PDCL2: variants seen among roughly 807,000 people sequenced by gnomAD.
The protein encoded by PDCL2 is phosducin-like protein 2.
A neutral mutation model predicts 30.3 loss-of-function variants in PDCL2; 23 were observed. The ratio of observed to expected loss-of-function variants is 0.76; its 90% CI spans 0.55 to 1.08. The LOEUF (loss-of-function observed/expected upper bound fraction) is 1.08. PDCL2 is among the 50% of genes least tolerant of loss of function. PDCL2 has a pLI of 0.00. For missense variants in PDCL2, 243 were observed against 282.3 expected, an observed-to-expected ratio of 0.86 and a Z score of 1.00; for synonymous variants, 68 against 86.2, an observed-to-expected ratio of 0.79 and a Z score of 1.17.
intron 4 of PDCL2, among the ~76,000 whole-genome samples, 200 bp from the exon 5 acceptor site, chr4:55,562,812 C>A (rs945456360): frequency 6.6e-6 from 1 of 151,844 alleles, no homozygotes; most frequent in Non-Finnish European, 1.5e-5. Flanking sequence ...ACCATTATAA[C>A]CCGGGAATGA....
intron 1 of PDCL2, among the ~76,000 whole-genome samples, chr4:55,585,903 TTC>T (rs1732853206): frequency 6.6e-6 from 1 of 152,228 alleles, no homozygotes; most frequent in South Asian, 2.1e-4. Flanking sequence ...CCTCTTTTGT[TTC>T]TGATTTTATC....
chr4:55,561,022 G>C (rs1211040027), intron 5 of PDCL2, among the ~76,000 whole-genome samples: 2 of 152,090 alleles, frequency 1.3e-5, no homozygotes, highest in African/African-American at 4.8e-5. Context: ...ATCCCAAACA[G>C]AGAAGACAAT....
intron 3 of PDCL2, among the ~76,000 whole-genome samples, chr4:55,578,838 C>A (rs972728770): frequency 5.9e-5 from 9 of 152,214 alleles, no homozygotes; most frequent in African/African-American, 1.9e-4. Flanking sequence ...GGGAAGAATT[C>A]TTTGAAATTA....
intron 1 of PDCL2, among the ~76,000 whole-genome samples, chr4:55,591,848 G>T (rs529399891): frequency 6.4e-4 from 98 of 152,306 alleles, no homozygotes; most frequent in Middle Eastern, 3.4e-3. Flanking sequence ...ATTTTGGTGT[G>T]AAACACAATA....
chr4:55,566,008 T>G (rs1732258636), intron 4 of PDCL2, among the ~76,000 whole-genome samples: 1 of 114,244 alleles, frequency 8.8e-6, no homozygotes, highest in African/African-American at 3.7e-5. Context: ...TGAGATGGAG[T>G]CCTGCTCTGT....
chr4:55,586,696 G>A (rs1446433514), intron 1 of PDCL2, among the ~76,000 whole-genome samples: 2 of 152,142 alleles, frequency 1.3e-5, no homozygotes, highest in African/African-American at 4.8e-5. Context: ...ATACCTGGAA[G>A]GAGAATTACT....
At chr4:55,581,480 A>G (rs990826058) in intron 2 of PDCL2, among the ~76,000 whole-genome samples, 3 of 152,154 alleles carry the variant, frequency 2.0e-5, no homozygotes, top group African/African-American at 4.8e-5. Flanking sequence ...ATTTCCCTCA[A>G]GTACCTAGAA....
Position 55,590,459 on chromosome 4 carries a change from CA to C in PDCL2, c.6+1644del, listed in dbSNP as rs60866606. On this transcript the variant is annotated intron_variant, in intron 1 of 5. Coordinates refer to ENST00000295645, the MANE Select transcript of PDCL2 (RefSeq NM_152401.3). The stretch of plus-strand genomic sequence containing the variant: ...GGGTGACAGAGCAAGATCCTGTCTC[CA>C]AAAAAAAAAAAAAAAAGACATGAAC... Among the ~76,000 whole-genome samples, 149 of 95,732 alleles carry C rather than the reference CA, an allele frequency of 1.6e-3. 3 individuals carry two copies. Among genetic ancestry groups the C allele is most frequent in the Admixed American group, 3.6e-3 (31 of 8,594 alleles). 62.8% of individuals were successfully genotyped at this position (95,732 alleles called of 152,430 possible). A position where few individuals can be genotyped will look rare whatever the true frequency, so the allele number is the denominator to read the frequency against.
chr4:55,579,989 A>T (rs1732671443), intron 3 of PDCL2, among the ~76,000 whole-genome samples: 1 of 152,064 alleles, frequency 6.6e-6, no homozygotes, highest in African/African-American at 2.4e-5. Context: ...CTGGGATTAC[A>T]GGCAAGCACC....
intron 1 of PDCL2, among the ~76,000 whole-genome samples, chr4:55,591,269 T>C (rs1732991725): frequency 6.6e-6 from 1 of 151,682 alleles, no homozygotes; most frequent in African/African-American, 2.4e-5. Context: ...TTCTGTAAGT[T>C]AGAAAGACAA....
intron 4 of PDCL2, among the ~76,000 whole-genome samples, chr4:55,563,285 C>T (rs937989536): frequency 4.6e-5 from 7 of 152,200 alleles, no homozygotes; most frequent in African/African-American, 1.7e-4. Context: ...ATTCCACATT[C>T]CTTCCACCTC....
intron 5 of PDCL2, among the ~76,000 whole-genome samples, chr4:55,559,950 A>G (rs889575157): frequency 2.0e-5 from 3 of 152,168 alleles, no homozygotes; most frequent in African/African-American, 7.2e-5. Flanking sequence ...AGAATCTAAA[A>G]AGGTGATTGC....
chr4:55,563,652 A>G (rs1732189733), intron 4 of PDCL2, among the ~76,000 whole-genome samples: 1 of 152,258 alleles, frequency 6.6e-6, no homozygotes, highest in South Asian at 2.1e-4. Context: ...ATGAGAGAGG[A>G]AACACAAAGT....
intron 4 of PDCL2, among the ~76,000 whole-genome samples, chr4:55,568,357 A>G (rs1404145654): frequency 6.6e-6 from 1 of 152,180 alleles, no homozygotes; most frequent in Non-Finnish European, 1.5e-5. Context: ...ACAACCAGGT[A>G]TTTTTAAATT....
rs764038444 is a variant in PDCL2 at position 55,562,542 on chromosome 4, C to T, written c.433G>A (p.Val145Ile). The T allele has an allele frequency of 5.6e-6, 9 of 1,605,152 alleles. No homozygotes were observed. In the South Asian group the frequency reaches 6.7e-5, roughly 12 times the overall value. ...ATACAGCTATTCACGATGGCTTTAA[C>T]AAATTTAGTTTCTGGAAACTTTCTT... Reference protein sequence around the residue: ...LARKFPETKFVKAIVNSCIQH... With the variant: ...LARKFPETKFIKAIVNSCIQH... The change falls in exon 5 of 6, where the codon GTT becomes ATT. Residue 145 changes from valine (V) to isoleucine (I), a missense_variant. By Grantham distance (29) the Val-to-Ile change is conservative (BLOSUM62 3). Transcript: ENST00000295645.
At chr4:55,559,006 A>G (rs1732054511) in intron 5 of PDCL2, among the ~76,000 whole-genome samples, 1 of 152,200 alleles carries the variant, frequency 6.6e-6, no homozygotes, top group Admixed American at 6.5e-5. Context: ...AATCAGAATG[A>G]CCAATGCATA....
chr4:55,584,751 C>A (rs1477152564), intron 1 of PDCL2, among the ~76,000 whole-genome samples: 1 of 152,132 alleles, frequency 6.6e-6, no homozygotes, highest in Non-Finnish European at 1.5e-5. Context: ...CTTACTTGCT[C>A]TGGCAAAGAC....
intron 4 of PDCL2, among the ~76,000 whole-genome samples, chr4:55,567,010 C>A (rs1307644222): frequency 6.6e-6 from 1 of 152,110 alleles, no homozygotes; most frequent in African/African-American, 2.4e-5. Flanking sequence ...CACACAGGAT[C>A]AGAAAAAACA....
At chr4:55,580,975 T>C in intron 2 of PDCL2, 64 bp from the exon 3 acceptor site, 1 of 1,194,494 alleles carries the variant, frequency 8.4e-7, no homozygotes. Flanking sequence ...ACAGTCAATG[T>C]CTAGAAAAAA....
Sources: allele counts gnomAD v4.1 joint callset (sites outside exome capture counted in the v4.1 genomes callset), GRCh38; gene constraint gnomAD v4.1.1; transcripts MANE v1.5; gene names NCBI Gene and HGNC (gene_info 2026-07-23, HGNC 2026-07-21).